CLEC4C: variants seen among roughly 807,000 people sequenced by gnomAD.
CLEC4C encodes the protein C-type lectin domain family 4 member C, also known as C-type (calcium dependent, carbohydrate-recognition domain) lectin, superfamily member 11.
In CLEC4C, 17 loss-of-function variants were observed where a neutral mutation model predicts 27.7. The ratio of observed to expected loss-of-function variants is 0.61; its 90% CI spans 0.42 to 0.92. CLEC4C has a LOEUF of 0.92. CLEC4C is among the 40% of genes least tolerant of loss of function. CLEC4C has a pLI of 0.00. For synonymous variants in CLEC4C, 80 were observed against 80.8 expected (o/e 0.99, Z 0.06); for missense variants, 244 against 257.3 (o/e 0.95, Z 0.35).
At chr12:7,748,151 G>A (rs779213728), upstream of CLEC4C, among the ~76,000 whole-genome samples, 8 of 152,264 alleles carry the variant, frequency 5.3e-5, no homozygotes, top group East Asian at 1.5e-3. Flanking sequence ...AACTACTGGT[G>A]AAATAGACAC....
Position 7,729,537 on chromosome 12 carries a change from T to C in CLEC4C, c.*59A>G. On this transcript the variant is annotated 3_prime_UTR_variant, in exon 6 of 6. Transcript: ENST00000360345. ...ACTTACACATAAATTAAAAAATCAA[T>C]TTAGCTTTCTACAACGGTGGATGCC... 6.6e-7 allele frequency: 1 copy of C among 1,525,598 alleles called. No homozygotes were observed. Among genetic ancestry groups the C allele is most frequent in the Non-Finnish European group, 8.9e-7 (1 of 1,119,446 alleles). 94.5% of individuals were successfully genotyped at this position (1,525,598 alleles called of 1,614,324 possible). A position where few individuals can be genotyped will look rare whatever the true frequency, so the allele number is the denominator to read the frequency against.
chr12:7,734,552 A>ATT (rs34564177), intron 4 of CLEC4C, among the ~76,000 whole-genome samples: 2,416 of 142,796 alleles, frequency 0.017, 21 homozygotes, highest in Non-Finnish European at 0.022. Flanking sequence ...GAGGCCTCCA[A>ATT]TTTTTTTTTT....
intron 1 of CLEC4C, among the ~76,000 whole-genome samples, 200 bp downstream of exon 1, chr12:7,747,118 C>T (rs568707442): frequency 5.3e-5 from 8 of 152,226 alleles, no homozygotes; most frequent in Admixed American, 2.6e-4. Context: ...CCACCGCGCC[C>T]GCCCGGCCTT....
At chr12:7,736,796 C>G (rs1477157276) in intron 4 of CLEC4C, among the ~76,000 whole-genome samples, 1 of 151,912 alleles carries the variant, frequency 6.6e-6, no homozygotes, top group Non-Finnish European at 1.5e-5. Context: ...GTAGTCCCAG[C>G]TACTTGGGAG....
intron 4 of CLEC4C, 120 bp downstream of exon 4, chr12:7,737,309 T>C: frequency 1.1e-6 from 1 of 916,758 alleles, no homozygotes; most frequent in Non-Finnish European, 1.5e-6. Flanking sequence ...TTTTTGGGTT[T>C]TTTTTTACCC....
At chr12:7,733,333 G>A (rs1163326166) in intron 4 of CLEC4C, among the ~76,000 whole-genome samples, 1 of 150,620 alleles carries the variant, frequency 6.6e-6, no homozygotes, top group East Asian at 1.9e-4. Context: ...GTGTGATCTC[G>A]GCTCAGGGCA....
chr12:7,736,175 C>T (rs762432528), intron 4 of CLEC4C, among the ~76,000 whole-genome samples: 25 of 152,022 alleles, frequency 1.6e-4, no homozygotes, highest in Non-Finnish European at 2.8e-4. Flanking sequence ...CCCAGTTACT[C>T]GGGAAGCTGA....
rs369648643 is a variant in CLEC4C at position 7,729,663 on chromosome 12, C to A, written c.575G>T (p.Gly192Val). 3.1e-6 allele frequency: 5 copies of A among 1,613,590 alleles called. No homozygotes were observed. Among genetic ancestry groups the A allele is most frequent in the Non-Finnish European group, 4.2e-6 (5 of 1,179,538 alleles). The change falls in exon 6 of 6, where the codon GGC (glycine) becomes GTC (valine). Residue 192 changes from glycine (G) to valine (V), a missense_variant. By Grantham distance (109) the Gly-to-Val change is moderately radical. Transcript: ENST00000360345. The part of the protein sequence containing the change: ...IINFRSSEEW[G>V]WNDIHCHVPQ... ...TACATGACAGTGAATGTCATTCCAG[C>A]CCCATTCTTCTGAAGAACGGAAATT... is the stretch of plus-strand genomic sequence containing the variant.
intron 3 of CLEC4C, among the ~76,000 whole-genome samples, chr12:7,738,526 G>A (rs1366726343): frequency 1.3e-5 from 2 of 152,062 alleles, no homozygotes; most frequent in Non-Finnish European, 2.9e-5. Flanking sequence ...TTTAGAGACA[G>A]GATCATGCTT....
intron 5 of CLEC4C, 24 bp from the exon 6 acceptor site, chr12:7,729,764 G>A (rs761095238): frequency 1.2e-6 from 2 of 1,611,560 alleles, no homozygotes; most frequent in Admixed American, 1.7e-5. Flanking sequence ...AAAGGACAGT[G>A]GTGTTTTGAA....
intron 4 of CLEC4C, among the ~76,000 whole-genome samples, chr12:7,731,300 A>G (rs770853456): frequency 1.3e-5 from 2 of 152,136 alleles, no homozygotes; most frequent in Non-Finnish European, 2.9e-5. Flanking sequence ...TCCCTCCCAG[A>G]TAAGCACAAC....
chr12:7,746,281 G>T (rs774103325), intron 2 of CLEC4C, 50 bp downstream of exon 2: 12 of 975,670 alleles, frequency 1.2e-5, no homozygotes, highest in Non-Finnish European at 1.9e-5. Flanking sequence ...TTGATAAAAT[G>T]TGATTGGGAA....
At chr12:7,743,653 C>T (rs897530719) in intron 2 of CLEC4C, among the ~76,000 whole-genome samples, 11 of 152,004 alleles carry the variant, frequency 7.2e-5, no homozygotes, top group South Asian at 2.1e-4. Flanking sequence ...TGAGCCACCA[C>T]GCCCGGCCTT....
chr12:7,747,406 T>A (rs761990291), upstream of CLEC4C: 114 of 1,555,404 alleles, frequency 7.3e-5, no homozygotes, highest in African/African-American at 1.4e-3. Flanking sequence ...AGCTCTTGTA[T>A]CACTTTCTCC....
chr12:7,741,196 C>A (rs1488025470), intron 3 of CLEC4C, among the ~76,000 whole-genome samples: 2 of 151,996 alleles, frequency 1.3e-5, no homozygotes, highest in African/African-American at 4.8e-5. Flanking sequence ...AACTCCAGAC[C>A]CTCAGGTAAT....
At chr12:7,732,917 C>T (rs970257475) in intron 4 of CLEC4C, among the ~76,000 whole-genome samples, 2 of 151,720 alleles carry the variant, frequency 1.3e-5, no homozygotes. Context: ...CACTGCACTC[C>T]AGTCTCGGCG....
intron 2 of CLEC4C, among the ~76,000 whole-genome samples, 170 bp downstream of exon 2, chr12:7,746,161 C>A (rs900057439): frequency 6.7e-6 from 1 of 149,358 alleles, no homozygotes; most frequent in Non-Finnish European, 1.5e-5. Flanking sequence ...TTGCAGTGAG[C>A]CGAGATCACG....
intron 4 of CLEC4C, among the ~76,000 whole-genome samples, chr12:7,735,063 C>T (rs1467278287): frequency 6.6e-6 from 1 of 151,100 alleles, no homozygotes; most frequent in Non-Finnish European, 1.5e-5. Flanking sequence ...TAGCCAGGAG[C>T]GGTGGCATGC....
intron 4 of CLEC4C, among the ~76,000 whole-genome samples, chr12:7,736,670 A>C (rs1662201080): frequency 6.6e-6 from 1 of 152,102 alleles, no homozygotes; most frequent in Non-Finnish European, 1.5e-5. Flanking sequence ...GCACTTTGGG[A>C]GGCCGAGACG....
Sources: allele counts gnomAD v4.1 joint callset (sites outside exome capture counted in the v4.1 genomes callset), GRCh38; gene constraint gnomAD v4.1.1; transcripts MANE v1.5; gene names NCBI Gene and HGNC (gene_info 2026-07-23, HGNC 2026-07-21).